The following STK33 variants were observed in gnomAD, a reference collection of about 807,000 sequenced individuals.
STK33 encodes serine/threonine kinase 33.
Under a neutral mutation model 58.0 loss-of-function variants are expected in STK33, and 52 were observed. The observed-to-expected ratio is 0.90, with a 90% CI of 0.72 to 1.13. The LOEUF (loss-of-function observed/expected upper bound fraction) is 1.13. Among genes scored for constraint, STK33 ranks in the 50% most tolerant of loss-of-function variants. STK33 has a pLI of 0.00. For missense variants in STK33, 630 were observed against 604.2 expected, an observed-to-expected ratio of 1.04 and a Z score of -0.45; for synonymous variants, 215 against 200.1, an observed-to-expected ratio of 1.07 and a Z score of -0.63.
intron 15 of STK33, among the ~76,000 whole-genome samples, chr11:8,394,778 C>A (rs1454817769): frequency 6.6e-6 from 1 of 152,028 alleles, no homozygotes; most frequent in Non-Finnish European, 1.5e-5. Context: ...GAAAACTAAA[C>A]AATGTTTAGT....
At chr11:8,524,336 A>G (rs1355841677) in intron 1 of STK33, among the ~76,000 whole-genome samples, 1 of 152,208 alleles carries the variant, frequency 6.6e-6, no homozygotes, top group Non-Finnish European at 1.5e-5. Context: ...TAAATAAATA[A>G]ATAAAAAACG....
intron 1 of STK33, among the ~76,000 whole-genome samples, chr11:8,531,054 T>C (rs1235738581): frequency 1.3e-5 from 2 of 151,980 alleles, no homozygotes; most frequent in Non-Finnish European, 2.9e-5. Context: ...TTTTAGCAAC[T>C]AGGATAGGAA....
intron 1 of STK33, among the ~76,000 whole-genome samples, chr11:8,580,499 G>A (rs2029934661): frequency 6.6e-6 from 1 of 151,814 alleles, no homozygotes; most frequent in Non-Finnish European, 1.5e-5. Context: ...GGGGAAGGGG[G>A]AGGGGGATGG....
rs1305615490 is a variant in STK33 at position 8,461,785 on chromosome 11, A to G, written c.558+20T>C. ...GTAATAATAACAACTTTCAAAATGC[A>G]GCGCCTAATAGAGGTTTACCTTTGG... On this transcript the variant is annotated intron_variant, in intron 8 of 15. Coordinates refer to ENST00000687296, the MANE Select transcript of STK33 (RefSeq NM_001352389.2). 28 of 1,512,768 alleles carry G rather than the reference A, an allele frequency of 1.9e-5. No individual in the cohort carries two copies. Among genetic ancestry groups the G allele is most frequent in the Non-Finnish European group, 2.5e-5 (28 of 1,126,296 alleles). The allele number at this position is 1,512,768 out of a possible 1,614,324, so 93.7% of individuals were successfully genotyped here.
the STK33 span, among the ~76,000 whole-genome samples, chr11:8,385,700 G>T: frequency 1.3e-5 from 2 of 152,026 alleles, no homozygotes; most frequent in African/African-American, 2.4e-5. Context: ...TTTATATCCA[G>T]CGCCTATCAG....
intron 1 of STK33, among the ~76,000 whole-genome samples, chr11:8,494,144 G>C (rs1950864121): frequency 2.0e-5 from 3 of 152,172 alleles, no homozygotes; most frequent in Non-Finnish European, 2.9e-5. Context: ...ATTAGGAAAA[G>C]AGAAAGTCAA....
At chr11:8,341,970 T>C in the STK33 span, among the ~76,000 whole-genome samples, 7,707 of 152,290 alleles carry the variant, frequency 0.051, 273 homozygotes, top group African/African-American at 0.095. Context: ...GAGGCATTTA[T>C]TGCAGGATGC....
intron 13 of STK33, 28 bp from the exon 14 acceptor site, chr11:8,435,607 A>G (rs1303095239): frequency 7.3e-7 from 1 of 1,369,204 alleles, no homozygotes; most frequent in Non-Finnish European, 9.8e-7. Flanking sequence ...ATCCTGAAAA[A>G]TCTTATTTAA....
the STK33 span, among the ~76,000 whole-genome samples, chr11:8,344,084 C>T: frequency 6.6e-6 from 1 of 152,270 alleles, no homozygotes; most frequent in East Asian, 1.9e-4. Context: ...GACGCAGTGA[C>T]TCTCGCCTAG....
the STK33 span, among the ~76,000 whole-genome samples, chr11:8,383,266 C>T: frequency 3.3e-5 from 5 of 152,190 alleles, no homozygotes; most frequent in Admixed American, 2.6e-4. Flanking sequence ...TGGGAATTAC[C>T]TTCAAACCCA....
At chr11:8,492,634 C>T (rs1950716221) in intron 1 of STK33, among the ~76,000 whole-genome samples, 1 of 152,194 alleles carries the variant, frequency 6.6e-6, no homozygotes, top group African/African-American at 2.4e-5. Flanking sequence ...CCCAAATCAA[C>T]AGAATATACA....
chr11:8,566,894 C>T (rs1353788514), intron 1 of STK33, among the ~76,000 whole-genome samples: 3 of 152,096 alleles, frequency 2.0e-5, no homozygotes, highest in Admixed American at 6.5e-5. Context: ...TAAGGCTGGG[C>T]GTGGCGGCTC....
At chr11:8,492,586 A>AT (rs1950711645) in intron 1 of STK33, among the ~76,000 whole-genome samples, 1 of 152,226 alleles carries the variant, frequency 6.6e-6, no homozygotes, top group Admixed American at 6.5e-5. Flanking sequence ...TCAGCTGTGC[A>AT]CCAAGCCAAC....
chr11:8,527,110 G>A (rs1470506246), intron 1 of STK33, among the ~76,000 whole-genome samples: 5 of 151,290 alleles, frequency 3.3e-5, no homozygotes, highest in South Asian at 2.1e-4. Context: ...ACAGGTGCCC[G>A]CCACAATGCC....
the STK33 span, among the ~76,000 whole-genome samples, chr11:8,335,729 AT>A: frequency 6.6e-6 from 1 of 152,204 alleles, no homozygotes; most frequent in African/African-American, 2.4e-5. Context: ...ACCCAATATT[AT>A]TACTGGGTTT....
the STK33 span, among the ~76,000 whole-genome samples, chr11:8,342,981 C>A: frequency 2.0e-5 from 3 of 152,230 alleles, no homozygotes; most frequent in Non-Finnish European, 1.5e-5. Context: ...GGCACTGAGG[C>A]TCATCCCCAG....
chr11:8,384,370 T>C, the STK33 span, among the ~76,000 whole-genome samples: 151,567 of 152,302 alleles, frequency 1, 75,419 homozygotes, highest in East Asian at 1. Context: ...GGGAAGGCGC[T>C]CATTACTTAG....
the STK33 span, among the ~76,000 whole-genome samples, chr11:8,364,056 A>G: frequency 1.3e-5 from 2 of 152,168 alleles, no homozygotes; most frequent in Non-Finnish European, 2.9e-5. Context: ...ATGTTGCGAA[A>G]TATCTCTGGA....
the STK33 span, among the ~76,000 whole-genome samples, chr11:8,338,342 G>A: frequency 2.4e-4 from 37 of 152,174 alleles, no homozygotes; most frequent in Non-Finnish European, 8.8e-5. Flanking sequence ...CATTCCCCGG[G>A]CCGGAGGTTT....
Sources: allele counts gnomAD v4.1 joint callset (sites outside exome capture counted in the v4.1 genomes callset), GRCh38; gene constraint gnomAD v4.1.1; transcripts MANE v1.5; gene names NCBI Gene and HGNC (gene_info 2026-07-23, HGNC 2026-07-21).